CDK5RAP3: variants seen among roughly 807,000 people sequenced by gnomAD.
The protein encoded by CDK5RAP3 is CDK5 regulatory subunit-associated protein 3.
A neutral mutation model predicts 73.3 loss-of-function variants in CDK5RAP3; 58 were observed. The ratio of observed to expected loss-of-function variants is 0.79; its 90% CI spans 0.64 to 0.98. The LOEUF is 0.98. Among genes scored for constraint, CDK5RAP3 ranks in the 50% least tolerant of loss-of-function variants. CDK5RAP3 has a pLI of 0.00. For synonymous variants in CDK5RAP3, 224 were observed against 247.5 expected (o/e 0.91, Z 0.89); for missense variants, 525 against 615.8 (o/e 0.85, Z 1.56).
chr17:47,978,002 G>T (rs1341498625), intron 10 of CDK5RAP3, 92 bp downstream of exon 10: 8 of 881,092 alleles, frequency 9.1e-6, no homozygotes, highest in Non-Finnish European at 1.5e-5. Context: ...CTAAGATGAG[G>T]CTTCTTGCAC....
Position 47,973,494 on chromosome 17 carries a change from T to G in CDK5RAP3, c.53-25T>G, listed in dbSNP as rs766350682. On this transcript the variant is annotated intron_variant, in intron 2 of 13. Transcript: ENST00000338399. ...ATTTTGGTGATGTGAATGGGAATGC[T>G]CTAATTTGGGTGCTTCTCATGTAGA... 3.1e-6 allele frequency: 5 copies of G among 1,608,680 alleles called. No individual in the cohort carries two copies. The South Asian group carries it at 5.5e-5, about 18-fold the overall frequency.
chr17:47,976,637 TACAGACA>T, intron 8 of CDK5RAP3, 68 bp from the exon 9 acceptor site: 2 of 1,030,288 alleles, frequency 1.9e-6, no homozygotes, highest in Non-Finnish European at 3.0e-6. Flanking sequence ...GTACTGGGGT[TACAGACA>T]TGAGCCACCA....
chr17:47,970,347 T>C (rs2036234295), upstream of CDK5RAP3, among the ~76,000 whole-genome samples: 1 of 152,190 alleles, frequency 6.6e-6, no homozygotes, highest in South Asian at 2.1e-4. Context: ...CATCATTTTG[T>C]AACAAGCAGC....
At chr17:47,978,750 C>A in intron 10 of CDK5RAP3, 79 bp from the exon 11 acceptor site, 1 of 1,099,670 alleles carries the variant, frequency 9.1e-7, no homozygotes, top group Non-Finnish European at 1.4e-6. Context: ...TATTAATCCT[C>A]CAGGGCTTCT....
In CDK5RAP3 at chr17:47,971,407, G is replaced by C. The variant is rs747760363; in HGVS notation, c.52G>C (p.Asp18His). ...PIDIQTSKLL[D>H]WLVDRRHCSL... is the part of the protein sequence containing the mutation. Reference sequence around the variant, plus strand: ...CGACATCCAGACCAGCAAGCTGCTCGGTAGGAGGGGGCGCCACCGCGCAGC... The same window carrying C: ...CGACATCCAGACCAGCAAGCTGCTCCGTAGGAGGGGGCGCCACCGCGCAGC... The change falls in exon 2 of 14, where the codon GAT (aspartate) becomes CAT (histidine). Residue 18 changes from aspartate (D) to histidine (H), a missense_variant and splice_region_variant. By Grantham distance (81) the Asp-to-His change is moderately conservative. This residue lies in a region of CDK5RAP3 where 409 missense variants were observed against 429.8 expected (regional missense o/e 0.95). Transcript: ENST00000338399. 1.2e-4 allele frequency: 193 copies of C among 1,602,996 alleles called. No individual in the cohort carries two copies. The highest frequency in any genetic ancestry group is 1.6e-4 in the Non-Finnish European group (188 of 1,174,682).
rs71366815 is a variant in CDK5RAP3 at position 47,978,069 on chromosome 17, G to GTTTTTT, written c.988+170_988+175dup. ...TGTGAGCTGAGGGGGACCAAGAGAG[G>GTTTTTT]TTTTTTTTTTTTTTTTGGAGACGGA... On this transcript the variant is annotated intron_variant, in intron 10 of 13. Transcript: ENST00000338399. The GTTTTTT allele has an allele frequency of 6.7e-5, 20 of 297,838 alleles. 1 individual carries two copies. The highest frequency in any genetic ancestry group is 1.5e-4 in the East Asian group (2 of 13,556). 18.4% of individuals were successfully genotyped at this position (297,838 alleles called of 1,614,324 possible).
At chr17:47,973,326 T>C (rs1192409943) in intron 2 of CDK5RAP3, among the ~76,000 whole-genome samples, 193 bp from the exon 3 acceptor site, 1 of 152,204 alleles carries the variant, frequency 6.6e-6, no homozygotes, top group Non-Finnish European at 1.5e-5. Context: ...GCTAATGAAG[T>C]CAGATTGTCA....
intron 11 of CDK5RAP3, chr17:47,980,380 C>T (rs927986377): frequency 8.2e-5 from 46 of 564,312 alleles, no homozygotes; most frequent in Non-Finnish European, 1.3e-4. Flanking sequence ...GTGATCCTCC[C>T]GCCTCAGCCT....
intron 5 of CDK5RAP3, chr17:47,974,767 C>G (rs2036358475): frequency 8.8e-7 from 1 of 1,130,460 alleles, no homozygotes; most frequent in Admixed American, 3.6e-5. Flanking sequence ...CACCCCCATT[C>G]TACACAAGGC....
Position 47,980,788 on chromosome 17 carries a change from G to A in CDK5RAP3, c.1273G>A (p.Ala425Thr), listed in dbSNP as rs2036534969. 1 of 1,614,152 alleles carries A rather than the reference G, an allele frequency of 6.2e-7. No homozygotes were observed. Among genetic ancestry groups the A allele is most frequent in the Non-Finnish European group, 8.5e-7 (1 of 1,180,026 alleles). Residue 425 changes from alanine (A) to threonine (T), a missense_variant, in exon 12 of 14, where the codon GCC becomes ACC. Around this residue, in one of 2 missense-constraint regions of CDK5RAP3, gnomAD observed 116 missense variants for 186.1 expected, o/e 0.62. Coordinates refer to ENST00000338399, the MANE Select transcript of CDK5RAP3 (RefSeq NM_176096.3). ...LQLQHLFMILASPRYVDRVTE... is the reference protein window; with the variant it reads ...LQLQHLFMILTSPRYVDRVTE... The stretch of plus-strand genomic sequence containing the variant: ...GCTGCAACACCTGTTTATGATCCTG[G>A]CCTCACCAAGGTCTGGCTTCCCCTT...
At chr17:47,973,209 C>G (rs2036309701) in intron 2 of CDK5RAP3, among the ~76,000 whole-genome samples, 1 of 152,094 alleles carries the variant, frequency 6.6e-6, no homozygotes, top group African/African-American at 2.4e-5. Flanking sequence ...CCCATAGAAG[C>G]AAAAATATTA....
intron 12 of CDK5RAP3, 74 bp from the exon 13 acceptor site, chr17:47,981,089 C>T (rs1022738052): frequency 1.3e-6 from 2 of 1,502,672 alleles, no homozygotes; most frequent in Non-Finnish European, 1.8e-6. Context: ...CCGAGCCTCT[C>T]ACCTCCCCAG....
At chr17:47,974,325 C>A (rs577656426) in intron 4 of CDK5RAP3, 75 bp from the exon 5 acceptor site, 2 of 1,265,228 alleles carry the variant, frequency 1.6e-6, no homozygotes, top group Non-Finnish European at 2.3e-6. Flanking sequence ...AGAACTTACC[C>A]TGTTTAGGGA....
chr17:47,978,648 TG>T (rs1440141380), intron 10 of CDK5RAP3, 180 bp from the exon 11 acceptor site: 1 of 583,270 alleles, frequency 1.7e-6, no homozygotes, highest in Non-Finnish European at 3.1e-6. Flanking sequence ...AGTTGGAAAG[TG>T]GTACCTGATT....
At chr17:47,970,547 T>C, upstream of CDK5RAP3, 1 of 889,946 alleles carries the variant, frequency 1.1e-6, no homozygotes, top group Non-Finnish European at 1.8e-6. Context: ...GTAGGTGTTC[T>C]CTTTGGGACG....
upstream of CDK5RAP3, chr17:47,970,718 A>G: frequency 6.5e-7 from 1 of 1,535,558 alleles, no homozygotes; most frequent in South Asian, 1.2e-5. Flanking sequence ...GCAAGGAGGG[A>G]AGAAGGTATT....
At chr17:47,976,575 G>T in intron 8 of CDK5RAP3, 137 bp from the exon 9 acceptor site, 1 of 610,810 alleles carries the variant, frequency 1.6e-6, no homozygotes, top group Non-Finnish European at 3.0e-6. Flanking sequence ...TATTGCCCAG[G>T]CTGGTCTCAA....
At chr17:47,978,293 A>G (rs533841147) in intron 10 of CDK5RAP3, among the ~76,000 whole-genome samples, 1 of 151,760 alleles carries the variant, frequency 6.6e-6, no homozygotes, top group South Asian at 2.1e-4. Context: ...CTGGTCTCGA[A>G]CTCTTGACCT....
chr17:47,980,332 A>T (rs951948618), intron 11 of CDK5RAP3: 11 of 472,436 alleles, frequency 2.3e-5, no homozygotes, highest in African/African-American at 2.2e-4. Context: ...GCAGTGCAGC[A>T]ATCATAGCTC....
Sources: allele counts gnomAD v4.1 joint callset (sites outside exome capture counted in the v4.1 genomes callset), GRCh38; gene constraint gnomAD v4.1.1; regional missense constraint gnomAD v4.1.1; transcripts MANE v1.5; gene names NCBI Gene and HGNC (gene_info 2026-07-23, HGNC 2026-07-21).